Variants in ASTN2 observed in about 807,000 individuals in gnomAD.
The protein encoded by ASTN2 is astrotactin 2.
ASTN2 carries 54 observed loss-of-function variants against 139.8 expected under a neutral mutation model. The ratio of observed to expected loss-of-function variants is 0.39; its 90% CI spans 0.31 to 0.48. ASTN2 has a LOEUF of 0.48. Among genes scored for constraint, ASTN2 ranks in the 20% least tolerant of loss-of-function variants. ASTN2 has a pLI of 0.95. For missense variants in ASTN2, 1,565 were observed against 1,725.1 expected (o/e 0.91, Z 1.64); for synonymous variants, 756 against 719.5 (o/e 1.05, Z -0.81).
intron 2 of ASTN2, among the ~76,000 whole-genome samples, chr9:117,226,764 T>C (rs555438188): frequency 6.6e-6 from 1 of 152,326 alleles, no homozygotes; most frequent in East Asian, 1.9e-4. Context: ...GAATCCTGTT[T>C]GTCTGCTGCA....
intron 10 of ASTN2, among the ~76,000 whole-genome samples, chr9:116,898,265 C>T (rs949079302): frequency 2.6e-5 from 4 of 151,836 alleles, no homozygotes; most frequent in African/African-American, 9.7e-5. Flanking sequence ...AAAATAGCGC[C>T]AAGCATGGTG....
intron 19 of ASTN2, among the ~76,000 whole-genome samples, chr9:116,497,703 G>C (rs1849711942): frequency 6.6e-6 from 1 of 152,062 alleles, no homozygotes; most frequent in African/African-American, 2.4e-5. Context: ...GGGGAAAGCT[G>C]ATTTGGGGAC....
chr9:117,186,863 G>T (rs994290116), intron 3 of ASTN2, among the ~76,000 whole-genome samples: 3 of 152,240 alleles, frequency 2.0e-5, no homozygotes, highest in Non-Finnish European at 4.4e-5. Context: ...GGGCGAAGTG[G>T]CTCACGCCTG....
intron 1 of ASTN2, among the ~76,000 whole-genome samples, chr9:117,305,636 C>T (rs1222847391): frequency 1.3e-5 from 2 of 152,192 alleles, no homozygotes; most frequent in Non-Finnish European, 2.9e-5. Context: ...GGAAGGCAAG[C>T]ACTGGTTTGT....
intron 22 of ASTN2, among the ~76,000 whole-genome samples, chr9:116,436,763 T>A (rs1302702088): frequency 6.6e-6 from 1 of 152,084 alleles, no homozygotes; most frequent in East Asian, 1.9e-4. Flanking sequence ...TGCACACGTA[T>A]GTTTATTGCA....
intron 19 of ASTN2, among the ~76,000 whole-genome samples, chr9:116,517,795 C>T (rs1564336911): frequency 6.6e-6 from 1 of 151,968 alleles, no homozygotes; most frequent in Non-Finnish European, 1.5e-5. Context: ...CAGTGAGATA[C>T]ACAGCATAAA....
At chr9:117,101,921 A>G (rs527519546) in intron 4 of ASTN2, among the ~76,000 whole-genome samples, 2 of 152,286 alleles carry the variant, frequency 1.3e-5, no homozygotes, top group Admixed American at 6.5e-5. Flanking sequence ...ACCCTCATAC[A>G]TTGCTGCTGG....
At chr9:117,399,080 G>C (rs1390706966) in intron 1 of ASTN2, among the ~76,000 whole-genome samples, 1 of 152,146 alleles carries the variant, frequency 6.6e-6, no homozygotes, top group African/African-American at 2.4e-5. Context: ...CACCGCGCCT[G>C]ACCCAAAATG....
At position 116,861,214 on chromosome 9, in the gene ASTN2, TACACACACACACAC is replaced by T. The variant is rs60909208; in HGVS notation, c.2040+2355_2040+2368del. Among the ~76,000 whole-genome samples, 382 of 143,596 alleles carry T rather than the reference TACACACACACACAC, an allele frequency of 2.7e-3. 3 individuals carry two copies. The highest frequency in any genetic ancestry group is 9.6e-3 in the East Asian group (46 of 4,782). 94.2% of individuals were successfully genotyped at this position (143,596 alleles called of 152,430 possible). On this transcript the variant is annotated intron_variant, in intron 11 of 22. Transcript: ENST00000313400. Reference sequence around the variant, plus strand: ...AAGACAAAGAGAGACAAGCCCAAGCTACACACACACACACACACACACACACACACACACACACA... The same window carrying T: ...AAGACAAAGAGAGACAAGCCCAAGCTACACACACACACACACACACACACA...
At chr9:116,977,460 T>TCCATCCAA in intron 7 of ASTN2, among the ~76,000 whole-genome samples, 1 of 152,138 alleles carries the variant, frequency 6.6e-6, no homozygotes, top group Middle Eastern at 3.4e-3. Context: ...AATCAATCCA[T>TCCATCCAA]CCATCCAACC....
intron 19 of ASTN2, among the ~76,000 whole-genome samples, chr9:116,580,322 T>C (rs976615173): frequency 1.3e-5 from 2 of 152,078 alleles, no homozygotes; most frequent in African/African-American, 2.4e-5. Flanking sequence ...AGGTCTCTAA[T>C]AGAGGGGCAA....
At chr9:117,378,225 G>A (rs139534113) in intron 1 of ASTN2, among the ~76,000 whole-genome samples, 319 of 152,318 alleles carry the variant, frequency 2.1e-3, no homozygotes, top group African/African-American at 7.3e-3. Context: ...GAAGAGACCT[G>A]TCTAACATCA....
intron 10 of ASTN2, among the ~76,000 whole-genome samples, chr9:116,868,005 G>A (rs1833062079): frequency 6.6e-6 from 1 of 152,144 alleles, no homozygotes; most frequent in Admixed American, 6.5e-5. Context: ...CCCCAATCTT[G>A]GGGCGGGGAG....
At chr9:117,157,523 A>G (rs953340302) in intron 3 of ASTN2, among the ~76,000 whole-genome samples, 1 of 152,056 alleles carries the variant, frequency 6.6e-6, no homozygotes, top group Non-Finnish European at 1.5e-5. Context: ...GGGGGAGAAT[A>G]TGGACTTCCA....
chr9:117,240,001 T>C (rs764859856), intron 2 of ASTN2, among the ~76,000 whole-genome samples: 1 of 152,184 alleles, frequency 6.6e-6, no homozygotes, highest in African/African-American at 2.4e-5. Flanking sequence ...CCATTTTATG[T>C]CAAAAACATC....
chr9:116,513,085 C>T (rs369998913), intron 19 of ASTN2, among the ~76,000 whole-genome samples: 7 of 152,202 alleles, frequency 4.6e-5, no homozygotes, highest in African/African-American at 1.4e-4. Flanking sequence ...GATGCAGTTT[C>T]TTCCTAGCAT....
intron 1 of ASTN2, among the ~76,000 whole-genome samples, chr9:117,386,608 G>A (rs1830406344): frequency 6.6e-6 from 1 of 152,152 alleles, no homozygotes; most frequent in African/African-American, 2.4e-5. Context: ...GGGAGGTGAG[G>A]TGGAGCTGGA....
intron 19 of ASTN2, among the ~76,000 whole-genome samples, chr9:116,530,276 C>T (rs10115087): frequency 0.013 from 2,025 of 150,874 alleles, 20 homozygotes; most frequent in African/African-American, 0.032. Flanking sequence ...TACGATCTCA[C>T]TTACAAATGA....
chr9:116,914,110 T>C (rs1834382395), intron 10 of ASTN2, among the ~76,000 whole-genome samples: 1 of 150,766 alleles, frequency 6.6e-6, no homozygotes, highest in Non-Finnish European at 1.5e-5. Context: ...GAGCTGGTCT[T>C]GTTAGGGAAG....
Sources: gnomAD v4.1 joint callset for allele counts (sites outside exome capture counted in the v4.1 genomes callset) on GRCh38, gnomAD v4.1.1 for gene constraint, MANE v1.5 for transcripts, NCBI Gene and HGNC (gene_info 2026-07-23, HGNC 2026-07-21) for gene names.